The following MAG variants were observed in gnomAD, a reference collection of about 807,000 sequenced individuals.
The protein encoded by MAG is myelin-associated glycoprotein.
Under a neutral mutation model 60.7 loss-of-function variants are expected in MAG, and 30 were observed. The observed-to-expected ratio is 0.49, with a 90% CI of 0.37 to 0.67. The LOEUF (loss-of-function observed/expected upper bound fraction) is 0.67. MAG is among the 30% of genes least tolerant of loss of function. The pLI is 0.00. For synonymous variants in MAG, 384 were observed against 376.8 expected, an observed-to-expected ratio of 1.02 and a Z score of -0.22; for missense variants, 795 against 851.7, an observed-to-expected ratio of 0.93 and a Z score of 0.83.
intron 7 of MAG, 83 bp from the exon 8 acceptor site, chr19:35,309,791 G>A: frequency 6.8e-7 from 1 of 1,481,424 alleles, no homozygotes; most frequent in Non-Finnish European, 9.2e-7. Context: ...GGCCACACTG[G>A]CCTTGCCTTG....
chr19:35,308,811 C>T (rs2066503664), intron 7 of MAG, among the ~76,000 whole-genome samples: 1 of 151,704 alleles, frequency 6.6e-6, no homozygotes. Flanking sequence ...ATTTTTTCTG[C>T]ATGTCAAAAA....
At chr19:35,302,349 G>C in intron 6 of MAG, 99 bp from the exon 7 acceptor site, 1 of 1,450,138 alleles carries the variant, frequency 6.9e-7, no homozygotes, top group Non-Finnish European at 9.4e-7. Flanking sequence ...CGGTGTGCTA[G>C]GTTTGGGGTG....
intron 4 of MAG, 65 bp downstream of exon 4, chr19:35,296,046 G>C: frequency 6.6e-7 from 1 of 1,512,448 alleles, no homozygotes; most frequent in Non-Finnish European, 8.8e-7. Flanking sequence ...GAGTGTGGCC[G>C]GAAGGCCTCC....
rs2066546290 is a variant in MAG at position 35,313,662 on chromosome 19, C to T, written c.*208C>T. 3 of 556,802 alleles carry T rather than the reference C, an allele frequency of 5.4e-6. No individual in the cohort carries two copies. Among genetic ancestry groups the T allele is most frequent in the Non-Finnish European group, 6.4e-6 (2 of 311,360 alleles). The allele number at this position is 556,802 out of a possible 1,614,324, so 34.5% of individuals were successfully genotyped here. A position where few individuals can be genotyped will look rare whatever the true frequency, so the allele number is the denominator to read the frequency against. Reference sequence around the variant, plus strand: ...CCCCCACGCCCTCATTACGGCTCCTCTCTAACCTCCTTTACCCTCATCTGT... The same window carrying T: ...CCCCCACGCCCTCATTACGGCTCCTTTCTAACCTCCTTTACCCTCATCTGT... On this transcript the variant is annotated 3_prime_UTR_variant, in exon 11 of 11. Coordinates refer to ENST00000392213, the MANE Select transcript of MAG (RefSeq NM_002361.4).
Position 35,310,638 on chromosome 19 carries a change from C to T in MAG, c.1611C>T (p.Arg537=). ...TCGTCTGCTACATTACCCAGACACG[C>T]AGGAAGTGAGTGCCAGCTGGGGCTG... ...IAIVCYITQT[R]RKKNVTESPS... Residue 537 remains arginine (R), a synonymous_variant, in exon 9 of 11, where the codon CGC becomes CGT. Coordinates refer to ENST00000392213, the MANE Select transcript of MAG (RefSeq NM_002361.4). The T allele has an allele frequency of 1.2e-6, 2 of 1,614,000 alleles. No homozygotes were observed. Among genetic ancestry groups the T allele is most frequent in the Non-Finnish European group, 1.7e-6 (2 of 1,179,998 alleles).
intron 10 of MAG, 108 bp downstream of exon 10, chr19:35,312,125 C>T: frequency 3.1e-5 from 39 of 1,277,186 alleles, no homozygotes; most frequent in Non-Finnish European, 4.5e-5. Flanking sequence ...CGGCCTCTCA[C>T]AGGAGGAGAG....
In MAG at chr19:35,299,784, G is replaced by T. The variant is rs200984385; in HGVS notation, c.646G>T (p.Gly216Cys). Residue 216 changes from glycine (G) to cysteine (C), a missense_variant, in exon 5 of 11, where the codon GGC becomes TGC. Coordinates refer to ENST00000392213, the MANE Select transcript of MAG (RefSeq NM_002361.4). ...PTREANGHRL[G>C]CQASFPNTTL... Reference sequence around the variant, plus strand: ...GAGGGAGGCCAACGGCCACAGGCTGGGCTGCCAGGCCTCCTTCCCCAACAC... The same window carrying T: ...GAGGGAGGCCAACGGCCACAGGCTGTGCTGCCAGGCCTCCTTCCCCAACAC... 37 of 1,544,486 alleles carry T rather than the reference G, an allele frequency of 2.4e-5. No homozygotes were observed. Among genetic ancestry groups the T allele is most frequent in the Non-Finnish European group, 3.0e-5 (35 of 1,149,370 alleles).
rs1010826939 is a variant in MAG, at chr19:35,305,444, A to G, written c.1231+2736A>G. On this transcript the variant is annotated intron_variant, in intron 7 of 10. Coordinates refer to ENST00000392213, the MANE Select transcript of MAG (RefSeq NM_002361.4). ...CGCATTGACCTATTTTGTTCTTACA[A>G]CCATGTGATTGAGGGGAGGGTACCA... is the stretch of plus-strand genomic sequence containing the variant. Among the ~76,000 whole-genome samples, 5 of 152,126 alleles carry G rather than the reference A, an allele frequency of 3.3e-5. No homozygotes were observed. In the East Asian group the frequency reaches 7.7e-4, roughly 23 times the overall value.
chr19:35,306,907 G>A (rs1336084807), intron 7 of MAG, among the ~76,000 whole-genome samples: 1 of 152,236 alleles, frequency 6.6e-6, no homozygotes, highest in East Asian at 1.9e-4. Flanking sequence ...TGGGATTCAA[G>A]CCAAATCCAT....
Position 35,300,286 on chromosome 19 carries a change from G to T in MAG, c.852G>T (p.Val284=). ...MRDGTVLREA[V]AESLLLELEE... ...ACGGGACAGTCCTCCGGGAGGCGGTGGCCGAGAGCCTGCTCCTGGAGCTGG... is the reference window on the plus strand; with the variant it reads ...ACGGGACAGTCCTCCGGGAGGCGGTTGCCGAGAGCCTGCTCCTGGAGCTGG... The change falls in exon 6 of 11, where the codon GTG becomes GTT. Residue 284 remains valine (V), a synonymous_variant. Transcript: ENST00000392213. 6.3e-7 allele frequency: 1 copy of T among 1,599,472 alleles called. No homozygotes were observed. The highest frequency in any genetic ancestry group is 8.5e-7 in the Non-Finnish European group (1 of 1,178,970).
Position 35,299,863 on chromosome 19 carries a change from GC to G in MAG, c.712+14del. 1.6e-6 allele frequency: 2 copies of G among 1,238,818 alleles called. No individual in the cohort carries two copies. Among genetic ancestry groups the G allele is most frequent in the Non-Finnish European group, 1.1e-6 (1 of 943,652 alleles). 76.7% of individuals were successfully genotyped at this position (1,238,818 alleles called of 1,614,324 possible). On this transcript the variant is annotated intron_variant, in intron 5 of 10. Transcript: ENST00000392213. ...ATGGACGTCAAGTGTGAGCCTGGGT[GC>G]GGGCGGGGCGGGGTGGGGCGGGGTG...
At position 35,292,212 on chromosome 19, in the gene MAG, T is replaced by C; in HGVS notation, c.-80+8T>C. The C allele has an allele frequency of 2.2e-6, 1 of 455,682 alleles. No individual in the cohort carries two copies. The highest frequency in any genetic ancestry group is 4.4e-6 in the Non-Finnish European group (1 of 226,908). 28.2% of individuals were successfully genotyped at this position (455,682 alleles called of 1,614,324 possible). ...AGAAGCAACTGAGTCCAAGTGAGTA[T>C]GGTGGCAGGGAGGCCAGGGCAAGGG... is the stretch of plus-strand genomic sequence containing the variant. On this transcript the variant is annotated splice_region_variant and intron_variant, in intron 1 of 10. Transcript: ENST00000392213.
At chr19:35,300,124 C>G (rs200498067) in intron 5 of MAG, 23 bp from the exon 6 acceptor site, 7 of 1,513,552 alleles carry the variant, frequency 4.6e-6, no homozygotes, top group Non-Finnish European at 5.3e-6. Context: ...TGCTCACTAA[C>G]CTCGCTGTGT....
chr19:35,304,762 A>G (rs908978011), intron 7 of MAG, among the ~76,000 whole-genome samples: 2 of 151,204 alleles, frequency 1.3e-5, no homozygotes, highest in East Asian at 1.9e-4. Context: ...CTGTTCTCCA[A>G]CTCCTAGTCT....
Position 35,300,329 on chromosome 19 carries a change from G to A in MAG, c.895G>A (p.Glu299Lys), listed in dbSNP as rs1414875485. Residue 299 changes from glutamate to lysine, a missense_variant, in exon 6 of 11, where the codon GAA becomes AAA. By Grantham distance (56) the Glu-to-Lys change is moderately conservative. Coordinates refer to ENST00000392213, the MANE Select transcript of MAG (RefSeq NM_002361.4). The stretch of plus-strand genomic sequence containing the variant: ...GGAGCTGGAGGAGGTGACCCCCGCC[G>A]AAGACGGCGTCTATGCCTGCCTGGC... ...LLELEEVTPA[E>K]DGVYACLAEN... 1.0e-5 allele frequency: 16 copies of A among 1,598,984 alleles called. No individual in the cohort carries two copies. Among genetic ancestry groups the A allele is most frequent in the East Asian group, 2.2e-5 (1 of 44,852 alleles).
Position 35,293,797 on chromosome 19 carries a change from C to A in MAG, c.-79-438C>A, listed in dbSNP as rs529567068. 2.8e-4 allele frequency among the ~76,000 whole-genome samples: 43 copies of A among 152,210 alleles called. No individual in the cohort carries two copies. Among genetic ancestry groups the A allele is most frequent in the African/African-American group, 8.2e-4 (34 of 41,520 alleles). The stretch of plus-strand genomic sequence containing the variant: ...AACAGGACTCTTTTGTACCGGGGAC[C>A]AGCTTCTGGTGAGGGTGCGGACACC... On this transcript the variant is annotated intron_variant, in intron 1 of 10. Transcript: ENST00000392213. The surrounding 1 kb of genome is among the most constrained non-coding windows in gnomAD (Gnocchi z 4.0).
rs866497237 is a variant in MAG at position 35,311,797 on chromosome 19, C to G, written c.1617-121C>G. The G allele has an allele frequency of 8.9e-6, 6 of 671,556 alleles. No individual in the cohort carries two copies. The Middle Eastern group carries it at 1.5e-3, about 166-fold the overall frequency. The allele number at this position is 671,556 out of a possible 1,614,324, so 41.6% of individuals were successfully genotyped here. ...GGAGAGGCTGGTGGTTCTGAAAGGGCTGCTTGCCACATCTTAGAGATGGGT... is the reference window on the plus strand; with the variant it reads ...GGAGAGGCTGGTGGTTCTGAAAGGGGTGCTTGCCACATCTTAGAGATGGGT... On this transcript the variant is annotated intron_variant, in intron 9 of 10. Transcript: ENST00000392213.
intron 8 of MAG, 68 bp downstream of exon 8, chr19:35,310,229 A>G (rs1599659058): frequency 1.3e-6 from 2 of 1,523,462 alleles, no homozygotes; most frequent in Non-Finnish European, 1.8e-6. Context: ...CAAGCTCCCA[A>G]GGCTGACCAA....
In MAG at chr19:35,311,981, C is replaced by T. The variant is rs368402881; in HGVS notation, c.1680C>T (p.Ser560=). The change falls in exon 10 of 11, where the codon AGC becomes AGT. Residue 560 remains serine, a synonymous_variant. Transcript: ENST00000392213. ...AGDNPPVLFS[S]DFRISGAPEK... ...ACAACCCTCCCGTCCTGTTCAGCAGCGACTTCCGCATCTCTGGGGCACCAG... is the reference window on the plus strand; with the variant it reads ...ACAACCCTCCCGTCCTGTTCAGCAGTGACTTCCGCATCTCTGGGGCACCAG... 38 of 1,613,150 alleles carry T rather than the reference C, an allele frequency of 2.4e-5. No individual in the cohort carries two copies. The highest frequency in any genetic ancestry group is 6.7e-5 in the African/African-American group (5 of 74,904).
Sources: allele counts gnomAD v4.1 joint callset (sites outside exome capture counted in the v4.1 genomes callset), GRCh38; gene constraint gnomAD v4.1.1; non-coding constraint Gnocchi (gnomAD v3.1); transcripts MANE v1.5; gene names NCBI Gene and HGNC (gene_info 2026-07-23, HGNC 2026-07-21).